The following PARP16 variants were observed in gnomAD, a reference collection of about 807,000 sequenced individuals.
The protein encoded by PARP16 is protein mono-ADP-ribosyltransferase PARP16.
In PARP16, 31 loss-of-function variants were observed where a neutral mutation model predicts 35.0. The ratio of observed to expected loss-of-function variants is 0.88; its 90% CI spans 0.66 to 1.19. The LOEUF is 1.19. PARP16 is among the 50% of genes most tolerant of loss of function. PARP16 has a pLI of 0.00. For missense variants in PARP16, 424 were observed against 411.2 expected (o/e 1.03, Z -0.27); for synonymous variants, 162 against 169.5 (o/e 0.96, Z 0.34).
At chr15:65,278,870 G>A (rs1281834177) in intron 1 of PARP16, among the ~76,000 whole-genome samples, 1 of 152,146 alleles carries the variant, frequency 6.6e-6, no homozygotes, top group Non-Finnish European at 1.5e-5. Context: ...GGTCTGCCAA[G>A]GTCACCATTT....
intron 3 of PARP16, among the ~76,000 whole-genome samples, chr15:65,265,124 C>T (rs1374121905): frequency 1.3e-5 from 2 of 152,188 alleles, no homozygotes; most frequent in Admixed American, 6.5e-5. Context: ...GAAATATCTC[C>T]AGTCTCAGGG....
At chr15:65,256,229 G>A (rs1272006426), downstream of PARP16, among the ~76,000 whole-genome samples, 1 of 152,020 alleles carries the variant, frequency 6.6e-6, no homozygotes, top group Non-Finnish European at 1.5e-5. Context: ...AATAGTAGCA[G>A]CAACTGATAC....
intron 4 of PARP16, 141 bp from the exon 5 acceptor site, chr15:65,261,167 A>C (rs1453481380): frequency 6.3e-6 from 4 of 634,456 alleles, no homozygotes. Flanking sequence ...TGTGTGCATG[A>C]AGCAGCACTG....
intron 3 of PARP16, among the ~76,000 whole-genome samples, chr15:65,265,221 G>A (rs1309810649): frequency 6.6e-6 from 1 of 152,242 alleles, no homozygotes; most frequent in Admixed American, 6.5e-5. Flanking sequence ...GGAAAGGCCT[G>A]CAGCTCCTCC....
In PARP16 at chr15:65,258,689, AT is replaced by A. The variant is rs1315293937; in HGVS notation, c.*717del. ...AATCAGAAAACAAACATTTGGTTCC[AT>A]TTCAGCTGTAATCAGCAGTTGGTAA... On this transcript the variant is annotated 3_prime_UTR_variant, in exon 6 of 6. Coordinates refer to ENST00000649807, the MANE Select transcript of PARP16 (RefSeq NM_001316943.2). 2 of 152,638 alleles carry A rather than the reference AT, an allele frequency of 1.3e-5. No individual in the cohort carries two copies. The highest frequency in any genetic ancestry group is 4.8e-5 in the African/African-American group (2 of 41,450). 9.5% of individuals were successfully genotyped at this position (152,638 alleles called of 1,614,324 possible).
chr15:65,231,786 A>C (rs1259901582), downstream of PARP16, among the ~76,000 whole-genome samples: 1 of 152,108 alleles, frequency 6.6e-6, no homozygotes, highest in Non-Finnish European at 1.5e-5. Context: ...ATTAATGTTA[A>C]TACAACATTT....
At chr15:65,244,792 T>C (rs2089165491) in intron 3 of PARP16, among the ~76,000 whole-genome samples, 1 of 152,224 alleles carries the variant, frequency 6.6e-6, no homozygotes, top group Non-Finnish European at 1.5e-5. Context: ...GGCCTATTGG[T>C]TAATCAGGCT....
At chr15:65,256,706 C>T (rs1455642746), downstream of PARP16, among the ~76,000 whole-genome samples, 6 of 152,086 alleles carry the variant, frequency 3.9e-5, no homozygotes, top group Admixed American at 3.3e-4. Flanking sequence ...CGCGCCCGGC[C>T]GCCCACAGCT....
exon 4 of PARP16, chr15:65,234,673 T>G (rs779371012): frequency 6.6e-6 from 1 of 152,266 alleles, no homozygotes; most frequent in Non-Finnish European, 1.5e-5. Flanking sequence ...CATCCACAAG[T>G]GCTGGAATCA....
chr15:65,249,425 G>C (rs1429630296), intron 2 of PARP16, among the ~76,000 whole-genome samples: 1 of 152,240 alleles, frequency 6.6e-6, no homozygotes, highest in East Asian at 1.9e-4. Flanking sequence ...GGAGTGGCTT[G>C]AGGCTGAGGT....
At chr15:65,246,261 G>A (rs543697431) in intron 3 of PARP16, among the ~76,000 whole-genome samples, 157 of 152,176 alleles carry the variant, frequency 1.0e-3, no homozygotes, top group Non-Finnish European at 2.0e-3. Context: ...AGGCTCTAGG[G>A]GATTCCCGAG....
chr15:65,285,962 A>C (rs950633985), intron 1 of PARP16, among the ~76,000 whole-genome samples: 19 of 152,226 alleles, frequency 1.2e-4, no homozygotes, highest in Non-Finnish European at 2.8e-4. Context: ...GCCAGGCTAG[A>C]AAATCTGTGG....
At chr15:65,270,096 G>A (rs1376549544) in intron 2 of PARP16, among the ~76,000 whole-genome samples, 1 of 152,184 alleles carries the variant, frequency 6.6e-6, no homozygotes, top group Non-Finnish European at 1.5e-5. Flanking sequence ...GGAAAGATGT[G>A]TGTCTTTGGC....
intron 1 of PARP16, among the ~76,000 whole-genome samples, chr15:65,275,628 G>A (rs2090230883): frequency 6.6e-6 from 1 of 151,994 alleles, no homozygotes; most frequent in Admixed American, 6.6e-5. Context: ...GAGGAAGAGT[G>A]GGAAGGTGAC....
At chr15:65,261,156 G>T in intron 4 of PARP16, 130 bp from the exon 5 acceptor site, 1 of 730,230 alleles carries the variant, frequency 1.4e-6, no homozygotes, top group Non-Finnish European at 2.2e-6. Context: ...GAACAGACCT[G>T]TGTGTGCATG....
downstream of PARP16, among the ~76,000 whole-genome samples, chr15:65,234,008 G>A (rs755117): frequency 0.17 from 25,167 of 152,104 alleles, 2,227 homozygotes; most frequent in Middle Eastern, 0.22. Context: ...GTATCTTAAC[G>A]TAGATATTGA....
At chr15:65,244,239 T>C (rs1211522769) in intron 3 of PARP16, among the ~76,000 whole-genome samples, 3 of 152,212 alleles carry the variant, frequency 2.0e-5, no homozygotes, top group Non-Finnish European at 1.5e-5. Flanking sequence ...ATTTACTTCC[T>C]TCATATAATA....
In PARP16 at chr15:65,263,292, A is replaced by G. The variant is rs1297525547; in HGVS notation, c.548T>C (p.Leu183Pro). Reference protein sequence around the residue: ...KTSLFGEGTYLTSDLSLALIY... With the variant: ...KTSLFGEGTYPTSDLSLALIY... Reference sequence around the variant, plus strand: ...GAGGGCCAGGCTCAAGTCACTGGTGAGGTAGGTCCCCTCTCCGAACAAGGA... The same window carrying G: ...GAGGGCCAGGCTCAAGTCACTGGTGGGGTAGGTCCCCTCTCCGAACAAGGA... The change falls in exon 4 of 6, where the codon CTC becomes CCC. Residue 183 changes from leucine (L) to proline (P), a missense_variant. Physicochemically the swap from Leu to Pro is moderately conservative, Grantham distance 98. Transcript: ENST00000649807. 11 of 1,602,208 alleles carry G rather than the reference A, an allele frequency of 6.9e-6. No individual in the cohort carries two copies. The highest frequency in any genetic ancestry group is 8.5e-6 in the Non-Finnish European group (10 of 1,173,792).
intron 4 of PARP16, among the ~76,000 whole-genome samples, chr15:65,262,599 C>A (rs913749674): frequency 6.6e-6 from 1 of 152,200 alleles, no homozygotes; most frequent in Admixed American, 6.5e-5. Flanking sequence ...GCTCAGGACT[C>A]CCCAGCACCT....
Sources: gnomAD v4.1 joint callset for allele counts (sites outside exome capture counted in the v4.1 genomes callset) on GRCh38, gnomAD v4.1.1 for gene constraint, MANE v1.5 for transcripts, NCBI Gene and HGNC (gene_info 2026-07-23, HGNC 2026-07-21) for gene names.